The following JAKMIP3 variants were observed in gnomAD, a reference collection of about 807,000 sequenced individuals.
JAKMIP3 encodes the protein janus kinase and microtubule-interacting protein 3.
In JAKMIP3, 58 loss-of-function variants were observed where a neutral mutation model predicts 118.5. The observed-to-expected ratio is 0.49, with a 90% CI of 0.40 to 0.61. The LOEUF (loss-of-function observed/expected upper bound fraction) is 0.61, where lower values mean the gene tolerates loss of function less well. JAKMIP3 is among the 20% of genes least tolerant of loss of function. JAKMIP3 has a pLI of 0.00. For synonymous variants in JAKMIP3, 486 were observed against 451.2 expected, an observed-to-expected ratio of 1.08 and a Z score of -0.98; for missense variants, 950 against 1,109.0, an observed-to-expected ratio of 0.86 and a Z score of 2.04.
chr10:132,075,035 A>C (rs1032163343), intron 1 of JAKMIP3, among the ~76,000 whole-genome samples: 1 of 152,132 alleles, frequency 6.6e-6, no homozygotes, highest in South Asian at 2.1e-4. Context: ...CCATTGATCT[A>C]TGTGTCTATT....
chr10:132,042,347 G>A (rs1419323109), intron 1 of JAKMIP3, among the ~76,000 whole-genome samples: 1 of 152,056 alleles, frequency 6.6e-6, no homozygotes, highest in East Asian at 1.9e-4. Flanking sequence ...GATTAGCTGG[G>A]ACTACAGGTT....
intron 1 of JAKMIP3, among the ~76,000 whole-genome samples, chr10:132,048,686 A>C (rs1272648492): frequency 2.0e-5 from 1 of 50,726 alleles, no homozygotes; most frequent in African/African-American, 5.9e-5. Flanking sequence ...TTTTTTTGAG[A>C]TGGAGTCTTG....
intron 19 of JAKMIP3, among the ~76,000 whole-genome samples, chr10:132,155,549 G>A (rs1160381051): frequency 6.6e-6 from 1 of 152,214 alleles, no homozygotes; most frequent in African/African-American, 2.4e-5. Context: ...CTGGGTGGGG[G>A]TGTAAGGCCC....
At chr10:132,105,229 C>CT (rs1227500408) in intron 2 of JAKMIP3, among the ~76,000 whole-genome samples, 2 of 152,354 alleles carry the variant, frequency 1.3e-5, no homozygotes, top group African/African-American at 2.4e-5. Context: ...GCCGCAGGGC[C>CT]TTGGGGTCTG....
chr10:132,062,030 C>T (rs556602887), upstream of JAKMIP3, among the ~76,000 whole-genome samples: 40 of 152,150 alleles, frequency 2.6e-4, no homozygotes, highest in African/African-American at 8.2e-4. Flanking sequence ...GGGTGATGAG[C>T]CACAGAGGGA....
chr10:132,179,257 C>T lies in JAKMIP3; in HGVS notation c.*1104-3100C>T, dbSNP rs2060469518. On this transcript the variant is annotated intron_variant, in intron 23 of 23. Coordinates refer to ENST00000684848, the MANE Select transcript of JAKMIP3 (RefSeq NM_001323087.2). The surrounding 1 kb of genome is among the most constrained non-coding windows in gnomAD (Gnocchi z 4.3). ...AGGGCAGGGGCCCTCAGTGCTCATC[C>T]TCCCCCAGCATCATGCACGGTCACG... Among the ~76,000 whole-genome samples the T allele has an allele frequency of 6.6e-6, 1 of 152,236 alleles. No individual in the cohort carries two copies. Among genetic ancestry groups the T allele is most frequent in the Non-Finnish European group, 1.5e-5 (1 of 68,036 alleles).
rs111946252 is a variant in JAKMIP3 at position 132,177,495 on chromosome 10, T to C, written c.*1104-4862T>C. ...ACACTGTGCATTTGGTCGTGGTGTG[T>C]ATACACCTGCTCCTGTGCCCTGGGT... On this transcript the variant is annotated intron_variant, in intron 23 of 23. Transcript: ENST00000684848. Among the ~76,000 whole-genome samples the C allele has an allele frequency of 1.0e-2, 866 of 86,930 alleles. 14 individuals are homozygous for C. The highest frequency in any genetic ancestry group is 0.024 in the African/African-American group (804 of 33,460). The allele number at this position is 86,930 out of a possible 152,430, so 57.0% of individuals were successfully genotyped here. A position where few individuals can be genotyped will look rare whatever the true frequency, so the allele number is the denominator to read the frequency against.
At chr10:132,171,491 C>T in intron 23 of JAKMIP3, among the ~76,000 whole-genome samples, 1 of 152,186 alleles carries the variant, frequency 6.6e-6, no homozygotes, top group Non-Finnish European at 1.5e-5. Flanking sequence ...CGAGACGTTA[C>T]TGTGCTGTCC....
At chr10:132,104,574 TG>T (rs1211076575) in intron 1 of JAKMIP3, 97 bp from the exon 2 acceptor site, 5 of 553,950 alleles carry the variant, frequency 9.0e-6, no homozygotes, top group African/African-American at 1.9e-5. Context: ...TGCAATGAGG[TG>T]GGGGGTCCAC....
chr10:132,142,611 G>T (rs945305168), intron 11 of JAKMIP3, among the ~76,000 whole-genome samples: 1 of 152,162 alleles, frequency 6.6e-6, no homozygotes, highest in African/African-American at 2.4e-5. Flanking sequence ...TGGCTGGCGG[G>T]TGCCCTCTGC....
Position 132,167,062 on chromosome 10 carries a change from A to G in JAKMIP3, c.*22+7A>G, listed in dbSNP as rs551960363. The G allele has an allele frequency of 5.8e-6, 9 of 1,542,338 alleles. No individual in the cohort carries two copies. In the East Asian group the frequency reaches 2.0e-4, roughly 34 times the overall value. The stretch of plus-strand genomic sequence containing the variant: ...GTCTTGGCACCCTGACGTGGTGAGT[A>G]TTTCGTTGGCAGGGCCCAGCAGGGG... On this transcript the variant is annotated splice_region_variant and intron_variant, in intron 22 of 23. Transcript: ENST00000684848.
At position 132,179,086 on chromosome 10, in the gene JAKMIP3, C is replaced by T. The variant is rs2060453023; in HGVS notation, c.*1104-3271C>T. Among the ~76,000 whole-genome samples, 1 of 152,250 alleles carries T rather than the reference C, an allele frequency of 6.6e-6. No individual in the cohort carries two copies. The highest frequency in any genetic ancestry group is 1.5e-5 in the Non-Finnish European group (1 of 68,042). ...AGCCCTGGGTGGTGCCCCAGGCATG[C>T]TGCCATCTCCTGTCCCTGCTGCCGC... On this transcript the variant is annotated intron_variant, in intron 23 of 23. Coordinates refer to ENST00000684848, the MANE Select transcript of JAKMIP3 (RefSeq NM_001323087.2). This position sits in a 1 kb window ranked among gnomAD's most constrained non-coding sequence, Gnocchi z 4.3.
At chr10:132,092,163 T>A (rs1316346104) in intron 1 of JAKMIP3, among the ~76,000 whole-genome samples, 2 of 152,292 alleles carry the variant, frequency 1.3e-5, no homozygotes, top group Middle Eastern at 3.4e-3. Context: ...CTTCCCTTTG[T>A]GGGTAACCCG....
intron 1 of JAKMIP3, among the ~76,000 whole-genome samples, chr10:132,095,684 C>A (rs2043759646): frequency 6.6e-6 from 1 of 152,242 alleles, no homozygotes; most frequent in Non-Finnish European, 1.5e-5. Context: ...AGACTCCACA[C>A]ACTTTTTCTC....
At chr10:132,097,344 G>A (rs975795411) in intron 1 of JAKMIP3, among the ~76,000 whole-genome samples, 26 of 152,274 alleles carry the variant, frequency 1.7e-4, no homozygotes, top group African/African-American at 5.5e-4. Context: ...GCCACTCCGC[G>A]GTGAGAAGGG....
At chr10:132,133,661 C>T in intron 4 of JAKMIP3, 134 bp downstream of exon 4, 3 of 769,592 alleles carry the variant, frequency 3.9e-6, no homozygotes, top group Admixed American at 2.5e-5. Flanking sequence ...TGCCTGGGCA[C>T]CTCCCCACCC....
chr10:132,169,965 G>A (rs1232084458), intron 23 of JAKMIP3: 1 of 152,454 alleles, frequency 6.6e-6, no homozygotes, highest in East Asian at 1.9e-4. Flanking sequence ...TCCTCGCGGG[G>A]TCGGGACCTG....
At chr10:132,074,649 A>G (rs1391181498) in intron 1 of JAKMIP3, among the ~76,000 whole-genome samples, 2 of 152,130 alleles carry the variant, frequency 1.3e-5, no homozygotes, top group African/African-American at 2.4e-5. Context: ...TACTCTGTCA[A>G]TCGTTTCTTT....
chr10:132,163,440 C>A (rs761607331), intron 20 of JAKMIP3, 28 bp downstream of exon 20: 4 of 1,565,290 alleles, frequency 2.6e-6, no homozygotes, highest in Non-Finnish European at 3.4e-6. Flanking sequence ...GCAGGGCTGG[C>A]GTGAAGACCT....
Sources: allele counts gnomAD v4.1 joint callset (sites outside exome capture counted in the v4.1 genomes callset), GRCh38; gene constraint gnomAD v4.1.1; non-coding constraint Gnocchi (gnomAD v3.1); transcripts MANE v1.5; gene names NCBI Gene and HGNC (gene_info 2026-07-23, HGNC 2026-07-21).